PLEKHA7: variants seen among roughly 807,000 people sequenced by gnomAD.
PLEKHA7 encodes the protein pleckstrin homology domain containing A7, also known as pleckstrin homology domain-containing family A member 7.
A neutral mutation model predicts 170.0 loss-of-function variants in PLEKHA7; 104 were observed. The observed-to-expected ratio is 0.61, with a 90% CI of 0.52 to 0.72. The LOEUF (loss-of-function observed/expected upper bound fraction) is 0.72, where lower values mean the gene tolerates loss of function less well. PLEKHA7 is among the 30% of genes least tolerant of loss of function. PLEKHA7 has a pLI of 0.00. For synonymous variants in PLEKHA7, 648 were observed against 660.8 expected (o/e 0.98, Z 0.30); for missense variants, 1,615 against 1,671.7 (o/e 0.97, Z 0.59).
At chr11:16,864,936 C>T (rs1854265821) in intron 4 of PLEKHA7, among the ~76,000 whole-genome samples, 1 of 152,166 alleles carries the variant, frequency 6.6e-6, no homozygotes, top group South Asian at 2.1e-4. Context: ...CCTTTGCCCA[C>T]CACATGATAA....
At chr11:17,004,205 A>T (rs1864845839) in intron 3 of PLEKHA7, among the ~76,000 whole-genome samples, 1 of 152,150 alleles carries the variant, frequency 6.6e-6, no homozygotes, top group Non-Finnish European at 1.5e-5. Context: ...TTTTGGACAG[A>T]ACCAACATTT....
intron 26 of PLEKHA7, among the ~76,000 whole-genome samples, chr11:16,782,190 C>T (rs1346695500): frequency 6.6e-6 from 1 of 152,064 alleles, no homozygotes; most frequent in African/African-American, 2.4e-5. Context: ...CACACGTTCT[C>T]ATCCCATGGT....
At chr11:16,931,357 A>G (rs1285888153) in intron 3 of PLEKHA7, among the ~76,000 whole-genome samples, 1 of 152,192 alleles carries the variant, frequency 6.6e-6, no homozygotes, top group East Asian at 1.9e-4. Flanking sequence ...ACAAGAGGCC[A>G]GAAAGACCTA....
At chr11:16,873,123 C>T (rs1204799925) in intron 3 of PLEKHA7, among the ~76,000 whole-genome samples, 1 of 152,072 alleles carries the variant, frequency 6.6e-6, no homozygotes, top group Non-Finnish European at 1.5e-5. Context: ...AGTTAAAATG[C>T]TTTCATAATC....
chr11:17,004,724 CCT>C (rs889433409), intron 3 of PLEKHA7, among the ~76,000 whole-genome samples: 11 of 152,030 alleles, frequency 7.2e-5, no homozygotes, highest in African/African-American at 2.7e-4. Flanking sequence ...TCACTTTACC[CCT>C]CTGAGCCCAA....
At position 16,816,986 on chromosome 11, in the gene PLEKHA7, C is replaced by T. The variant is rs767188328; in HGVS notation, c.1680G>A (p.Val560=). The T allele has an allele frequency of 3.1e-6, 5 of 1,605,548 alleles. No homozygotes were observed. The highest frequency in any genetic ancestry group is 4.3e-6 in the Non-Finnish European group (5 of 1,175,464). ...DQGRSRSMLE[V]PRSISVPPSP... ...ATGGAGGCACAGAGATGGAGCGGGG[C>T]ACCTCTAGCATGCTCCTGCTCCGGC... is the stretch of plus-strand genomic sequence containing the variant. Residue 560 remains valine, a synonymous_variant, in exon 11 of 27, where the codon GTG becomes GTA. Transcript: ENST00000531066.
At position 16,778,127 on chromosome 11, in the gene PLEKHA7, GGGCGTGGT is replaced by G. The variant is rs1439146059; in HGVS notation, c.*863_*870del. ...CTCTACTAAAAATACAAAATTAGCC[GGGCGTGGT>G]GGCACATGCCTGTAATCCTAGCTAC... On this transcript the variant is annotated 3_prime_UTR_variant, in exon 27 of 27. Coordinates refer to ENST00000531066, the MANE Select transcript of PLEKHA7 (RefSeq NM_001329630.2). 2.6e-5 allele frequency: 4 copies of G among 152,248 alleles called. No homozygotes were observed. Among genetic ancestry groups the G allele is most frequent in the Non-Finnish European group, 5.9e-5 (4 of 68,046 alleles). 9.4% of individuals were successfully genotyped at this position (152,248 alleles called of 1,614,324 possible).
chr11:16,918,437 C>A (rs1858848704), intron 3 of PLEKHA7, among the ~76,000 whole-genome samples: 1 of 152,194 alleles, frequency 6.6e-6, no homozygotes, highest in South Asian at 2.1e-4. Context: ...ACTGAAGCAG[C>A]CCAAGCTGGG....
chr11:16,801,546 A>C (rs1338761792), intron 16 of PLEKHA7, 122 bp downstream of exon 16: 5 of 1,232,418 alleles, frequency 4.1e-6, no homozygotes, highest in Non-Finnish European at 4.5e-6. Context: ...GCTACTGGAG[A>C]AGCTCTGCTA....
intron 3 of PLEKHA7, among the ~76,000 whole-genome samples, chr11:16,997,538 C>G (rs561880547): frequency 6.6e-6 from 1 of 152,310 alleles, no homozygotes; most frequent in East Asian, 1.9e-4. Flanking sequence ...GCTAACCAGA[C>G]AGTGACTTCC....
At chr11:16,892,427 TG>T (rs1856690721) in intron 3 of PLEKHA7, among the ~76,000 whole-genome samples, 1 of 97,400 alleles carries the variant, frequency 1.0e-5, no homozygotes. Flanking sequence ...TGTGTGTGTG[TG>T]TGTGTGTTTT....
chr11:16,948,843 C>T (rs915533302), intron 3 of PLEKHA7, among the ~76,000 whole-genome samples: 6 of 152,228 alleles, frequency 3.9e-5, no homozygotes, highest in African/African-American at 1.4e-4. Context: ...AGCCCTTGCC[C>T]ACTTTCCCGC....
intron 4 of PLEKHA7, among the ~76,000 whole-genome samples, chr11:16,866,752 T>A (rs534369959): frequency 6.6e-6 from 1 of 152,192 alleles, no homozygotes; most frequent in African/African-American, 2.4e-5. Flanking sequence ...ATATGACTGA[T>A]ACAGGAACAA....
At chr11:16,906,870 A>G (rs1454815335) in intron 3 of PLEKHA7, among the ~76,000 whole-genome samples, 18 of 131,986 alleles carry the variant, frequency 1.4e-4, no homozygotes, top group African/African-American at 4.9e-4. Context: ...CATCCCATCT[A>G]GGAAGTGAGG....
chr11:16,949,989 AG>A (rs1343367469), intron 3 of PLEKHA7, among the ~76,000 whole-genome samples: 8 of 150,192 alleles, frequency 5.3e-5, no homozygotes, highest in African/African-American at 2.0e-4. Context: ...GGACTTGGTG[AG>A]TAGGAGGCCA....
At chr11:17,006,532 G>A (rs528217894) in intron 3 of PLEKHA7, among the ~76,000 whole-genome samples, 2 of 151,144 alleles carry the variant, frequency 1.3e-5, no homozygotes, top group South Asian at 2.1e-4. Context: ...GGAGGCTGAG[G>A]TGGAAGAATC....
chr11:16,906,476 A>G (rs1396934769), intron 3 of PLEKHA7, among the ~76,000 whole-genome samples: 3 of 141,192 alleles, frequency 2.1e-5, no homozygotes, highest in Admixed American at 1.4e-4. Context: ...ACGCGCCGCC[A>G]TGCCTGACTG....
intron 3 of PLEKHA7, among the ~76,000 whole-genome samples, chr11:16,972,242 C>T (rs1384716487): frequency 6.6e-6 from 1 of 152,084 alleles, no homozygotes; most frequent in Non-Finnish European, 1.5e-5. Context: ...CCACCTCAGC[C>T]TCCTGAGTAG....
chr11:16,899,904 T>G (rs954573174), intron 3 of PLEKHA7, among the ~76,000 whole-genome samples: 3 of 152,230 alleles, frequency 2.0e-5, no homozygotes, highest in African/African-American at 7.2e-5. Context: ...GTTCTTGGCC[T>G]GCTCTTACTG....
Sources: gnomAD v4.1 joint callset for allele counts (sites outside exome capture counted in the v4.1 genomes callset) on GRCh38, gnomAD v4.1.1 for gene constraint, MANE v1.5 for transcripts, NCBI Gene and HGNC (gene_info 2026-07-23, HGNC 2026-07-21) for gene names.